Variants in SESN3 observed in about 807,000 individuals in gnomAD.
The protein encoded by SESN3 is sestrin-3.
Under a neutral mutation model 55.3 loss-of-function variants are expected in SESN3, and 21 were observed. The observed-to-expected ratio is 0.38, with a 90% CI of 0.27 to 0.55. The LOEUF (loss-of-function observed/expected upper bound fraction) is 0.55, where lower values mean the gene tolerates loss of function less well. Among genes scored for constraint, SESN3 ranks in the 20% least tolerant of loss-of-function variants. The pLI, the probability that SESN3 is intolerant of heterozygous loss-of-function variation, is 0.76. For missense variants in SESN3, 408 were observed against 604.3 expected, an observed-to-expected ratio of 0.68 and a Z score of 3.41; for synonymous variants, 181 against 203.1, an observed-to-expected ratio of 0.89 and a Z score of 0.93.
At chr11:95,221,987 A>G (rs1278023985) in intron 1 of SESN3, among the ~76,000 whole-genome samples, 4 of 152,222 alleles carry the variant, frequency 2.6e-5, no homozygotes, top group African/African-American at 9.6e-5. Flanking sequence ...AGACTTTCAA[A>G]GTAAAGGGCT....
chr11:95,173,694 A>T (rs892751198), intron 9 of SESN3, among the ~76,000 whole-genome samples: 18 of 146,846 alleles, frequency 1.2e-4, no homozygotes, highest in African/African-American at 1.7e-4. Flanking sequence ...ATCAGCCCTC[A>T]TTTTTTTTTT....
chr11:95,208,654 ACCTGG>A (rs1358636948), intron 1 of SESN3, among the ~76,000 whole-genome samples: 1 of 151,500 alleles, frequency 6.6e-6, no homozygotes, highest in African/African-American at 2.4e-5. Context: ...GCATCATGCT[ACCTGG>A]CTTCAAACTA....
At chr11:95,207,150 T>C (rs1435259707) in intron 1 of SESN3, among the ~76,000 whole-genome samples, 1 of 93,592 alleles carries the variant, frequency 1.1e-5, no homozygotes, top group Admixed American at 1.1e-4. Context: ...ATTCTAAGTT[T>C]AAAACACTTA....
In SESN3 at chr11:95,178,779, T is replaced by G; in HGVS notation, c.987A>C (p.Glu329Asp). 6.2e-7 allele frequency: 1 copy of G among 1,612,878 alleles called. No homozygotes were observed. The highest frequency in any genetic ancestry group is 1.3e-5 in the African/African-American group (1 of 75,006). Reference protein sequence around the residue: ...IITSDVSRYIEDPGFGYEDFA... With the variant: ...IITSDVSRYIDDPGFGYEDFA... ...AGTCTTCATACCCAAAACCAGGGTC[T>G]TCAATATATCGAGAGACATCAGATG... Residue 329 changes from glutamate to aspartate, a missense_variant, in exon 7 of 10, where the codon GAA becomes GAC. By Grantham distance (45) the Glu-to-Asp change is conservative. Around this residue, in one of 4 missense-constraint regions of SESN3, gnomAD observed 119 missense variants for 139.9 expected, o/e 0.85. Coordinates refer to ENST00000536441, the MANE Select transcript of SESN3 (RefSeq NM_144665.4).
intron 1 of SESN3, among the ~76,000 whole-genome samples, chr11:95,197,907 T>TA: frequency 6.6e-6 from 1 of 152,262 alleles, no homozygotes; most frequent in African/African-American, 2.4e-5. Flanking sequence ...CTTTGGGTAT[T>TA]TTGTGACATA....
At position 95,230,802 on chromosome 11, in the gene SESN3, C is replaced by A; in HGVS notation, c.59G>T (p.Cys20Phe). 6.2e-7 allele frequency: 1 copy of A among 1,606,374 alleles called. No individual in the cohort carries two copies. The highest frequency in any genetic ancestry group is 8.5e-7 in the Non-Finnish European group (1 of 1,177,204). ...AAANYLLCTN[C>F]RKVLRKDKRI... ...CCGTACCTTCCGCAGCACTTTCCGG[C>A]AGTTGGTACAGAGCAGGTAGTTGGC... Residue 20 changes from cysteine (C) to phenylalanine (F), a missense_variant, in exon 1 of 10, where the codon TGC (cysteine) becomes TTC (phenylalanine). Physicochemically the swap from Cys to Phe is radical, Grantham distance 205 (BLOSUM62 -2). Transcript: ENST00000536441. This position sits in a 1 kb window ranked among gnomAD's most constrained non-coding sequence, Gnocchi z 4.6.
In SESN3 at chr11:95,190,252, C is replaced by T. The variant is rs543478073; in HGVS notation, c.343-291G>A. 2.6e-5 allele frequency among the ~76,000 whole-genome samples: 4 copies of T among 151,966 alleles called. No individual in the cohort carries two copies. The South Asian group carries it at 6.2e-4, about 24-fold the overall frequency. ...CTAGCTATGAATAGGAAATACAGGT[C>T]CATTTCAATATGACAAATATACCTA... On this transcript the variant is annotated intron_variant, in intron 3 of 9. Transcript: ENST00000536441.
At chr11:95,177,156 TTAGAC>T (rs937404769) in intron 8 of SESN3, among the ~76,000 whole-genome samples, 2 of 152,176 alleles carry the variant, frequency 1.3e-5, no homozygotes, top group African/African-American at 4.8e-5. Flanking sequence ...GCTTTCTTGA[TTAGAC>T]TATTCAATCT....
At chr11:95,174,202 T>A (rs1442553539) in intron 9 of SESN3, among the ~76,000 whole-genome samples, 1 of 152,224 alleles carries the variant, frequency 6.6e-6, no homozygotes, top group African/African-American at 2.4e-5. Context: ...GCTAAGATCA[T>A]ACAGTTTATT....
intron 1 of SESN3, among the ~76,000 whole-genome samples, chr11:95,226,034 TAAA>T (rs71036382): frequency 6.0e-5 from 8 of 132,434 alleles, no homozygotes; most frequent in African/African-American, 1.2e-4. Flanking sequence ...CAAAAATAAG[TAAA>T]AAAAAAAAAA....
chr11:95,190,007 A>C, intron 3 of SESN3, 46 bp from the exon 4 acceptor site: 1 of 1,408,304 alleles, frequency 7.1e-7, no homozygotes, highest in Non-Finnish European at 9.7e-7. Flanking sequence ...ATCACAGTAG[A>C]GTTTCTTTCC....
chr11:95,220,607 GATACA>G (rs1402673361), intron 1 of SESN3, among the ~76,000 whole-genome samples: 1 of 152,102 alleles, frequency 6.6e-6, no homozygotes, highest in South Asian at 2.1e-4. Flanking sequence ...GTAAAAATAA[GATACA>G]ATACAAATGA....
chr11:95,185,556 T>C lies in SESN3; in HGVS notation c.526-64A>G, dbSNP rs946577128. The stretch of plus-strand genomic sequence containing the variant: ...CTAGAATGCTACAAAGAAATTTCAA[T>C]GAAAATCTACCAATTTTCATATATC... On this transcript the variant is annotated intron_variant, in intron 4 of 9. Transcript: ENST00000536441. 7.9e-5 allele frequency: 82 copies of C among 1,035,320 alleles called. No homozygotes were observed. In the Admixed American group the frequency reaches 8.5e-4, roughly 11 times the overall value. 64.1% of individuals were successfully genotyped at this position (1,035,320 alleles called of 1,614,324 possible). A position where few individuals can be genotyped will look rare whatever the true frequency, so the allele number is the denominator to read the frequency against.
rs1859888489 is a variant in SESN3, at chr11:95,173,241, C to T, written c.*14G>A. 3.3e-6 allele frequency: 5 copies of T among 1,522,794 alleles called. No individual in the cohort carries two copies. In the East Asian group the frequency reaches 1.1e-4, roughly 35 times the overall value. The allele number at this position is 1,522,794 out of a possible 1,614,324, so 94.3% of individuals were successfully genotyped here. A position where few individuals can be genotyped will look rare whatever the true frequency, so the allele number is the denominator to read the frequency against. ...GGTCTTTACACATGTATGACATTTTCCTTGGGTGATACTTCAGGTCAAATG... is the reference window on the plus strand; with the variant it reads ...GGTCTTTACACATGTATGACATTTTTCTTGGGTGATACTTCAGGTCAAATG... On this transcript the variant is annotated 3_prime_UTR_variant, in exon 10 of 10. Coordinates refer to ENST00000536441, the MANE Select transcript of SESN3 (RefSeq NM_144665.4).
Position 95,178,836 on chromosome 11 carries a change from CAAT to C in SESN3, c.938-11_938-9del. ...TCATGTCATCCTCAAAATCTAAGGA[CAAT>C]AATGAACAATCTAGTGTTAAGGATA... is the stretch of plus-strand genomic sequence containing the variant. On this transcript the variant is annotated splice_polypyrimidine_tract_variant and intron_variant, in intron 6 of 9. Coordinates refer to ENST00000536441, the MANE Select transcript of SESN3 (RefSeq NM_144665.4). 4.9e-6 allele frequency: 7 copies of C among 1,437,340 alleles called. No homozygotes were observed. Among genetic ancestry groups the C allele is most frequent in the South Asian group, 1.1e-5 (1 of 87,482 alleles). The allele number at this position is 1,437,340 out of a possible 1,614,324, so 89.0% of individuals were successfully genotyped here.
rs1223249015 is a variant in SESN3, at chr11:95,166,102, C to A, written c.*7153G>T. 1.3e-5 allele frequency: 2 copies of A among 152,060 alleles called. No individual in the cohort carries two copies. The highest frequency in any genetic ancestry group is 2.9e-5 in the Non-Finnish European group (2 of 68,006). The allele number at this position is 152,060 out of a possible 1,614,324, so 9.4% of individuals were successfully genotyped here. A position where few individuals can be genotyped will look rare whatever the true frequency, so the allele number is the denominator to read the frequency against. On this transcript the variant is annotated 3_prime_UTR_variant, in exon 10 of 10. Coordinates refer to ENST00000536441, the MANE Select transcript of SESN3 (RefSeq NM_144665.4). ...TATTTTCAGAATTGAAACTATAAGA[C>A]CGCCATTTGACACTGAAACTTGCGT... is the stretch of plus-strand genomic sequence containing the variant.
chr11:95,173,118 C>CAAACA lies in SESN3; in HGVS notation c.*136_*137insTGTTT. ...CATTGCACATTACAGCCGCAAAAAACAAAAAAAAAAAAACAAACGGCTAAA... is the reference window on the plus strand; with the variant it reads ...CATTGCACATTACAGCCGCAAAAAACAAACAAAAAAAAAAAAAACAAACGGCTAAA... On this transcript the variant is annotated 3_prime_UTR_variant, in exon 10 of 10. Transcript: ENST00000536441. The CAAACA allele has an allele frequency of 9.6e-6, 4 of 417,026 alleles. No individual in the cohort carries two copies. Among genetic ancestry groups the CAAACA allele is most frequent in the South Asian group, 4.9e-5 (1 of 20,266 alleles). The allele number at this position is 417,026 out of a possible 1,614,324, so 25.8% of individuals were successfully genotyped here. A position where few individuals can be genotyped will look rare whatever the true frequency, so the allele number is the denominator to read the frequency against.
intron 2 of SESN3, among the ~76,000 whole-genome samples, chr11:95,192,373 T>C (rs1197871229): frequency 1.3e-5 from 2 of 152,114 alleles, no homozygotes; most frequent in Non-Finnish European, 2.9e-5. Flanking sequence ...GACTCAACCC[T>C]GTGGGAGTTA....
chr11:95,186,194 C>CTGTGTGTGTGTGTGTGTGTGTGTG (rs35466696), intron 4 of SESN3, among the ~76,000 whole-genome samples: 1,339 of 107,570 alleles, frequency 0.012, 32 homozygotes, highest in African/African-American at 0.017. Context: ...CTATCTCTCA[C>CTGTGTGTGTGTGTGTGTGTGTGTG]TGTGTGTGTG....
Sources: allele counts gnomAD v4.1 joint callset (sites outside exome capture counted in the v4.1 genomes callset), GRCh38; gene constraint gnomAD v4.1.1; regional missense constraint gnomAD v4.1.1; non-coding constraint Gnocchi (gnomAD v3.1); transcripts MANE v1.5; gene names NCBI Gene and HGNC (gene_info 2026-07-23, HGNC 2026-07-21).